The following GMPR variants were observed in gnomAD, a reference collection of about 807,000 sequenced individuals.
GMPR encodes the protein GMP reductase 1.
GMPR carries 31 observed loss-of-function variants against 38.4 expected under a neutral mutation model. The ratio of observed to expected loss-of-function variants is 0.81; its 90% CI spans 0.61 to 1.09. The LOEUF is 1.09. GMPR is among the 50% of genes least tolerant of loss of function. GMPR has a pLI of 0.00. For synonymous variants in GMPR, 162 were observed against 173.3 expected, an observed-to-expected ratio of 0.93 and a Z score of 0.51; for missense variants, 468 against 453.7, an observed-to-expected ratio of 1.03 and a Z score of -0.29.
At chr6:16,249,263 C>T (rs1362671663) in intron 2 of GMPR, among the ~76,000 whole-genome samples, 2 of 151,228 alleles carry the variant, frequency 1.3e-5, no homozygotes, top group Admixed American at 1.3e-4. Flanking sequence ...ACCTCCATCT[C>T]CCAGGTTCAA....
intron 4 of GMPR, among the ~76,000 whole-genome samples, chr6:16,256,365 A>G (rs1758975822): frequency 6.6e-6 from 1 of 150,748 alleles, no homozygotes. Flanking sequence ...AAAAAAAAAA[A>G]AAAAAAATAG....
chr6:16,256,528 C>CAAA (rs1006257648), intron 4 of GMPR, among the ~76,000 whole-genome samples: 58 of 33,734 alleles, frequency 1.7e-3, no homozygotes, highest in South Asian at 3.4e-3. Context: ...GACTCTGTCT[C>CAAA]AAAAAAAAAA....
chr6:16,285,745 C>T (rs777858026), intron 6 of GMPR, 48 bp from the exon 7 acceptor site: 4 of 1,543,306 alleles, frequency 2.6e-6, no homozygotes, highest in Non-Finnish European at 3.6e-6. Context: ...GACAGCCTGG[C>T]TGAGCTCCCG....
rs779775612 is a variant in GMPR, at chr6:16,238,698, C to G, written c.5C>G (p.Pro2Arg). 9.9e-6 allele frequency: 14 copies of G among 1,413,624 alleles called. No individual in the cohort carries two copies. The highest frequency in any genetic ancestry group is 9.4e-6 in the Non-Finnish European group (10 of 1,069,078). The allele number at this position is 1,413,624 out of a possible 1,614,324, so 87.6% of individuals were successfully genotyped here. M[P>R]RIDADLKLDF... Reference sequence around the variant, plus strand: ...GCAGCCAGGAGCCGCTGCACCATGCCCCGCATAGATGCGGACCTCAAGCTC... The same window carrying G: ...GCAGCCAGGAGCCGCTGCACCATGCGCCGCATAGATGCGGACCTCAAGCTC... The change falls in exon 1 of 9, where the codon CCC becomes CGC. Residue 2 changes from proline to arginine, a missense_variant. Physicochemically the swap from Pro to Arg is moderately radical, Grantham distance 103. Transcript: ENST00000259727.
chr6:16,278,000 C>A (rs1177217157), intron 5 of GMPR, among the ~76,000 whole-genome samples: 4 of 152,066 alleles, frequency 2.6e-5, no homozygotes, highest in African/African-American at 9.7e-5. Context: ...GGTCAGAGTG[C>A]GACTTGGCCT....
chr6:16,251,430 C>A (rs1421848258), intron 3 of GMPR, among the ~76,000 whole-genome samples: 2 of 152,252 alleles, frequency 1.3e-5, no homozygotes, highest in African/African-American at 4.8e-5. Context: ...ATTAGCCGGG[C>A]GTGGTGGCGC....
intron 2 of GMPR, among the ~76,000 whole-genome samples, chr6:16,247,952 G>A (rs1174365287): frequency 6.6e-6 from 1 of 152,072 alleles, no homozygotes; most frequent in African/African-American, 2.4e-5. Flanking sequence ...TGCTTTGGCT[G>A]GGCATAGTGG....
At chr6:16,242,040 A>G (rs78098850) in intron 1 of GMPR, among the ~76,000 whole-genome samples, 115 of 152,310 alleles carry the variant, frequency 7.6e-4, no homozygotes, top group African/African-American at 2.6e-3. Flanking sequence ...CACCCAGCTG[A>G]TAAGAATTAA....
chr6:16,274,129 G>T (rs1004464300), intron 4 of GMPR, among the ~76,000 whole-genome samples: 2 of 151,948 alleles, frequency 1.3e-5, no homozygotes, highest in Non-Finnish European at 2.9e-5. Flanking sequence ...TAAGATTTTT[G>T]TTGTTGTTGT....
intron 5 of GMPR, among the ~76,000 whole-genome samples, chr6:16,277,811 G>T (rs933602643): frequency 2.0e-5 from 3 of 152,152 alleles, no homozygotes; most frequent in African/African-American, 7.2e-5. Flanking sequence ...CTGGTACAGA[G>T]GGGAGTGTCC....
chr6:16,274,285 G>T, intron 4 of GMPR, 130 bp from the exon 5 acceptor site: 1 of 654,596 alleles, frequency 1.5e-6, no homozygotes, highest in Non-Finnish European at 2.7e-6. Flanking sequence ...GAAATTCTGT[G>T]TTCCTTTTTT....
chr6:16,290,796 C>T (rs1759827667), intron 8 of GMPR, among the ~76,000 whole-genome samples, 175 bp downstream of exon 8: 1 of 152,144 alleles, frequency 6.6e-6, no homozygotes, highest in Non-Finnish European at 1.5e-5. Flanking sequence ...TTGGGGTTCC[C>T]AAAAGCAAGT....
In GMPR at chr6:16,278,885, A is replaced by T; in HGVS notation, c.649A>T (p.Ile217Phe). 1 of 1,600,102 alleles carries T rather than the reference A, an allele frequency of 6.2e-7. No homozygotes were observed. Among genetic ancestry groups the T allele is most frequent in the Non-Finnish European group, 8.6e-7 (1 of 1,167,682 alleles). ...DSAHGLKGHI[I>F]SDGGCTCPGD... is the part of the protein sequence containing the mutation. Reference sequence around the variant, plus strand: ...TGCCCATGGCCTGAAGGGCCACATCATCTCTGTGAGTCTCCACCCGGGGCT... The same window carrying T: ...TGCCCATGGCCTGAAGGGCCACATCTTCTCTGTGAGTCTCCACCCGGGGCT... Residue 217 changes from isoleucine to phenylalanine, a missense_variant, in exon 6 of 9, where the codon ATC becomes TTC. Transcript: ENST00000259727.
Position 16,254,557 on chromosome 6 carries a change from T to C in GMPR, c.292-5T>C, listed in dbSNP as rs776474539. ...TGCCTGTCTTCTTGGTTTATTTTGG[T>C]GCAGAATGTAGCCGTGAGTTCAGGC... On this transcript the variant is annotated splice_polypyrimidine_tract_variant and splice_region_variant and intron_variant, in intron 3 of 8. Transcript: ENST00000259727. The C allele has an allele frequency of 6.2e-7, 1 of 1,612,616 alleles. No homozygotes were observed. Among genetic ancestry groups the C allele is most frequent in the African/African-American group, 1.3e-5 (1 of 74,906 alleles).
At chr6:16,292,307 G>A (rs568851382) in intron 8 of GMPR, among the ~76,000 whole-genome samples, 21 of 152,148 alleles carry the variant, frequency 1.4e-4, no homozygotes, top group African/African-American at 4.8e-4. Context: ...GGGGATTGGG[G>A]GGAGTGGGGT....
At chr6:16,259,719 G>A (rs889319444) in intron 4 of GMPR, among the ~76,000 whole-genome samples, 1 of 138,094 alleles carries the variant, frequency 7.2e-6, no homozygotes, top group African/African-American at 2.7e-5. Context: ...AACGGAATAA[G>A]AGAAGGAGAA....
intron 2 of GMPR, 73 bp downstream of exon 2, chr6:16,247,034 C>T: frequency 7.1e-7 from 1 of 1,412,388 alleles, no homozygotes; most frequent in South Asian, 1.3e-5. Context: ...CCGACCCTGG[C>T]TTTATTCAGA....
intron 6 of GMPR, among the ~76,000 whole-genome samples, chr6:16,282,507 G>A (rs1759592570): frequency 6.6e-6 from 1 of 152,164 alleles, no homozygotes; most frequent in African/African-American, 2.4e-5. Flanking sequence ...TTCTAAACTT[G>A]TTTTTCCATT....
rs549024953 is a variant in GMPR at position 16,256,081 on chromosome 6, T to A, written c.465+1346T>A. Among the ~76,000 whole-genome samples the A allele has an allele frequency of 1.8e-3, 272 of 151,570 alleles. 4 individuals carry two copies. Among genetic ancestry groups the A allele is most frequent in the African/African-American group, 6.3e-3 (258 of 41,212 alleles). ...AAATACAAAAATTAGCCAGCCGTGA[T>A]GGCGGGTGCCTGTAATCCCAGCTAC... On this transcript the variant is annotated intron_variant, in intron 4 of 8. Coordinates refer to ENST00000259727, the MANE Select transcript of GMPR (RefSeq NM_006877.4).
Sources: gnomAD v4.1 joint callset for allele counts (sites outside exome capture counted in the v4.1 genomes callset) on GRCh38, gnomAD v4.1.1 for gene constraint, MANE v1.5 for transcripts, NCBI Gene and HGNC (gene_info 2026-07-23, HGNC 2026-07-21) for gene names.